The following PRKACB variants were observed in gnomAD, a reference collection of about 807,000 sequenced individuals.
PRKACB encodes cAMP-dependent protein kinase catalytic subunit beta.
Under a neutral mutation model 51.4 loss-of-function variants are expected in PRKACB, and 16 were observed. The ratio of observed to expected loss-of-function variants is 0.31; its 90% CI spans 0.21 to 0.47. The LOEUF is 0.47. Ranked by LOEUF, PRKACB falls within the 20% of genes least tolerant of loss-of-function variation. PRKACB has a pLI of 1.00. For synonymous variants in PRKACB, 147 were observed against 154.4 expected, an observed-to-expected ratio of 0.95 and a Z score of 0.35; for missense variants, 309 against 464.5, an observed-to-expected ratio of 0.67 and a Z score of 3.08.
chr1:84,122,886 A>G (rs1043973952), intron 1 of PRKACB, among the ~76,000 whole-genome samples: 1 of 152,210 alleles, frequency 6.6e-6, no homozygotes, highest in Non-Finnish European at 1.5e-5. Flanking sequence ...TATTTGTATA[A>G]TAACCTAAAC....
intron 8 of PRKACB, chr1:84,205,172 T>A: frequency 1.0e-6 from 1 of 983,594 alleles, no homozygotes; most frequent in Non-Finnish European, 1.2e-6. Flanking sequence ...CCCCATCTCT[T>A]ACTCCCTTTA....
chr1:84,134,670 GACGGGGAA>G (rs1652610354), intron 1 of PRKACB, among the ~76,000 whole-genome samples: 1 of 152,114 alleles, frequency 6.6e-6, no homozygotes, highest in Non-Finnish European at 1.5e-5. Flanking sequence ...AGAAAAATAG[GACGGGGAA>G]GAAAGAATAA....
intron 9 of PRKACB, among the ~76,000 whole-genome samples, chr1:84,221,051 C>A (rs1467380941): frequency 6.6e-6 from 1 of 152,104 alleles, no homozygotes; most frequent in Non-Finnish European, 1.5e-5. Flanking sequence ...TAGAATTGAG[C>A]AGTAAAGCCA....
At chr1:84,105,381 G>A (rs888489866) in intron 1 of PRKACB, among the ~76,000 whole-genome samples, 5 of 151,792 alleles carry the variant, frequency 3.3e-5, no homozygotes, top group African/African-American at 1.2e-4. Context: ...CACGACTTTT[G>A]ACCTAGAGTA....
At chr1:84,209,833 A>G (rs921504551) in intron 8 of PRKACB, among the ~76,000 whole-genome samples, 2 of 152,232 alleles carry the variant, frequency 1.3e-5, no homozygotes, top group African/African-American at 4.8e-5. Context: ...GAGATATATT[A>G]GTAAGCACAT....
chr1:84,126,075 C>T (rs1651567085), intron 1 of PRKACB, among the ~76,000 whole-genome samples: 1 of 12,360 alleles, frequency 8.1e-5, no homozygotes, highest in African/African-American at 3.4e-4. Flanking sequence ...TGGAAGCTTC[C>T]TGGGGGGTGG....
At chr1:84,184,957 A>G (rs1020790293) in intron 4 of PRKACB, 143 bp from the exon 5 acceptor site, 47 of 421,262 alleles carry the variant, frequency 1.1e-4, no homozygotes, top group South Asian at 1.7e-4. Context: ...TAGAAAAGCT[A>G]GAGCATGTTC....
intron 1 of PRKACB, among the ~76,000 whole-genome samples, chr1:84,114,281 A>T (rs1650457847): frequency 6.6e-6 from 1 of 152,200 alleles, no homozygotes; most frequent in Admixed American, 6.5e-5. Flanking sequence ...GCATGATACC[A>T]TCCAGGCAAA....
In PRKACB at chr1:84,236,323, C is replaced by T. The variant is rs1676657683; in HGVS notation, c.*1018C>T. ...TCAAAAATGGCTTGATTTTTGGAAA[C>T]AATATAGAGGTATTCATATTTAAAT... On this transcript the variant is annotated 3_prime_UTR_variant, in exon 10 of 10. Coordinates refer to ENST00000370685, the MANE Select transcript of PRKACB (RefSeq NM_182948.4). 6.6e-6 allele frequency: 1 copy of T among 152,442 alleles called. No individual in the cohort carries two copies. The allele number at this position is 152,442 out of a possible 1,614,324, so 9.4% of individuals were successfully genotyped here.
intron 1 of PRKACB, among the ~76,000 whole-genome samples, chr1:84,175,963 G>A (rs1301169523): frequency 6.6e-6 from 1 of 151,564 alleles, no homozygotes; most frequent in Non-Finnish European, 1.5e-5. Context: ...TTTACCAGTA[G>A]AGAATAAAAT....
chr1:84,183,358 A>G (rs1172422352), intron 3 of PRKACB, among the ~76,000 whole-genome samples: 1 of 152,020 alleles, frequency 6.6e-6, no homozygotes, highest in African/African-American at 2.4e-5. Flanking sequence ...TTAAGTCTAA[A>G]TGACCTAGGA....
intron 1 of PRKACB, among the ~76,000 whole-genome samples, chr1:84,096,858 A>C (rs1209633683): frequency 6.6e-6 from 1 of 152,056 alleles, no homozygotes; most frequent in African/African-American, 2.4e-5. Context: ...CAATATATGC[A>C]AATTAACAGC....
chr1:84,151,862 G>A (rs1484186491), intron 1 of PRKACB, among the ~76,000 whole-genome samples: 1 of 152,124 alleles, frequency 6.6e-6, no homozygotes, highest in Non-Finnish European at 1.5e-5. Context: ...ATCTATGAGA[G>A]TTGGAAACAA....
chr1:84,164,544 A>G, intron 1 of PRKACB: 1 of 1,431,988 alleles, frequency 7.0e-7, no homozygotes. Context: ...ATAAAAAGGT[A>G]TTTTATTTGT....
chr1:84,099,611 G>A (rs1272992716), intron 1 of PRKACB, among the ~76,000 whole-genome samples: 3 of 151,896 alleles, frequency 2.0e-5, no homozygotes, highest in South Asian at 2.1e-4. Flanking sequence ...TAGGGGACCA[G>A]AAGCTACTTA....
At chr1:84,101,701 A>G (rs933846454) in intron 1 of PRKACB, among the ~76,000 whole-genome samples, 6 of 152,222 alleles carry the variant, frequency 3.9e-5, no homozygotes, top group Non-Finnish European at 7.4e-5. Context: ...GGTTGAACCA[A>G]TAAACCGATG....
In PRKACB at chr1:84,157,497, A is replaced by G. The variant is rs1470946570; in HGVS notation, c.187+12949A>G. The stretch of plus-strand genomic sequence containing the variant: ...AAGGATTTGCGCAACCATCAGCACA[A>G]ATCAGTTTTAGAACATTTAATCACC... On this transcript the variant is annotated intron_variant, in intron 1 of 9. Coordinates refer to ENST00000370685, the MANE Select transcript of PRKACB (RefSeq NM_182948.4). 6.6e-5 allele frequency: 10 copies of G among 152,252 alleles called. No homozygotes were observed. In the South Asian group the frequency reaches 1.7e-3, roughly 25 times the overall value. 9.4% of individuals were successfully genotyped at this position (152,252 alleles called of 1,614,324 possible).
At chr1:84,106,451 A>G (rs1186426517) in intron 1 of PRKACB, among the ~76,000 whole-genome samples, 1 of 152,198 alleles carries the variant, frequency 6.6e-6, no homozygotes, top group Non-Finnish European at 1.5e-5. Flanking sequence ...TAGCATTGCT[A>G]TACACTAACA....
intron 1 of PRKACB, among the ~76,000 whole-genome samples, chr1:84,126,668 G>C (rs1180374428): frequency 6.6e-6 from 1 of 152,074 alleles, no homozygotes; most frequent in Non-Finnish European, 1.5e-5. Context: ...CCTCGTTGGG[G>C]TCTGCCCTCT....
Sources: allele counts gnomAD v4.1 joint callset (sites outside exome capture counted in the v4.1 genomes callset), GRCh38; gene constraint gnomAD v4.1.1; transcripts MANE v1.5; gene names NCBI Gene and HGNC (gene_info 2026-07-23, HGNC 2026-07-21).